TSC22D1: variants seen among roughly 807,000 people sequenced by gnomAD.
TSC22D1 encodes TSC22 domain family member 1, also known as TSC22 domain family protein 1.
TSC22D1 carries 9 observed loss-of-function variants against 74.2 expected under a neutral mutation model. The observed-to-expected ratio is 0.12, with a 90% CI of 0.07 to 0.21. The LOEUF (loss-of-function observed/expected upper bound fraction) is 0.21, where lower values mean the gene tolerates loss of function less well. Ranked by LOEUF, TSC22D1 falls within the 10% of genes least tolerant of loss-of-function variation. The pLI, the probability that TSC22D1 is intolerant of heterozygous loss-of-function variation, is 1.00. For missense variants in TSC22D1, 1,427 were observed against 1,304.7 expected (o/e 1.09, Z -1.44); for synonymous variants, 586 against 492.5 (o/e 1.19, Z -2.51).
intron 1 of TSC22D1, among the ~76,000 whole-genome samples, chr13:44,484,020 A>G (rs1878314437): frequency 6.6e-6 from 1 of 152,344 alleles, no homozygotes; most frequent in African/African-American, 2.4e-5. Flanking sequence ...AATTTTGCTT[A>G]AGCTGAACAC....
chr13:44,466,330 T>C (rs1177697015), intron 1 of TSC22D1, among the ~76,000 whole-genome samples: 1 of 152,224 alleles, frequency 6.6e-6, no homozygotes, highest in East Asian at 1.9e-4. Context: ...TTTTAAAACA[T>C]GGCCATCTTT....
intron 1 of TSC22D1, among the ~76,000 whole-genome samples, chr13:44,469,473 T>A (rs1002499665): frequency 1.3e-5 from 2 of 152,048 alleles, no homozygotes; most frequent in African/African-American, 4.8e-5. Context: ...TGGCAGAATA[T>A]GTAGGAGGAT....
intron 1 of TSC22D1, among the ~76,000 whole-genome samples, chr13:44,458,662 C>G (rs891427631): frequency 2.0e-5 from 3 of 152,184 alleles, no homozygotes; most frequent in Non-Finnish European, 2.9e-5. Context: ...CCACTTCCCC[C>G]ACAGGCTTGG....
intron 1 of TSC22D1, among the ~76,000 whole-genome samples, chr13:44,546,291 G>A (rs1881821119): frequency 6.6e-6 from 1 of 152,116 alleles, no homozygotes; most frequent in South Asian, 2.1e-4. Context: ...ATTACAAAGT[G>A]AAAAACAGTA....
chr13:44,444,313 AGAAAAGAAAAAG>A (rs1566114443), intron 1 of TSC22D1, among the ~76,000 whole-genome samples: 7 of 130,158 alleles, frequency 5.4e-5, no homozygotes, highest in African/African-American at 1.9e-4. Flanking sequence ...AAAAAAGAAA[AGAAAAGAAAAAG>A]AAAAAAAAAC....
intron 1 of TSC22D1, among the ~76,000 whole-genome samples, chr13:44,456,731 T>C (rs147310501): frequency 1.3e-5 from 2 of 152,200 alleles, no homozygotes; most frequent in African/African-American, 4.8e-5. Context: ...TTCAGAACAC[T>C]AGAAAGAGCT....
intron 1 of TSC22D1, among the ~76,000 whole-genome samples, chr13:44,572,175 T>C (rs1883814503): frequency 6.6e-6 from 1 of 152,212 alleles, no homozygotes; most frequent in Non-Finnish European, 1.5e-5. Flanking sequence ...AGTAACAGAC[T>C]GGAAAATTTG....
chr13:44,529,323 T>C (rs1203839080), intron 1 of TSC22D1, among the ~76,000 whole-genome samples: 2 of 151,976 alleles, frequency 1.3e-5, no homozygotes, highest in Non-Finnish European at 2.9e-5. Context: ...AGAAAAATCA[T>C]GTGATCCTAT....
At chr13:44,543,051 AT>A (rs1881577386) in intron 1 of TSC22D1, among the ~76,000 whole-genome samples, 1 of 152,202 alleles carries the variant, frequency 6.6e-6, no homozygotes, top group Non-Finnish European at 1.5e-5. Context: ...TTATAGATCT[AT>A]TAACCTACCA....
chr13:44,558,071 C>T (rs771373495), intron 1 of TSC22D1, among the ~76,000 whole-genome samples: 1 of 152,038 alleles, frequency 6.6e-6, no homozygotes, highest in Non-Finnish European at 1.5e-5. Context: ...AAATAGTGAC[C>T]GAAATAACCA....
chr13:44,538,630 A>C, intron 1 of TSC22D1: 1 of 985,416 alleles, frequency 1.0e-6, no homozygotes. Context: ...TAAAATTCCA[A>C]TCTGAAAAGA....
chr13:44,532,496 C>G (rs933872533), intron 1 of TSC22D1, among the ~76,000 whole-genome samples: 6 of 152,092 alleles, frequency 3.9e-5, no homozygotes, highest in African/African-American at 1.4e-4. Flanking sequence ...TTTTTTGAGA[C>G]GGAGTCTTGC....
intron 1 of TSC22D1, among the ~76,000 whole-genome samples, chr13:44,523,384 C>G (rs1880404873): frequency 6.6e-6 from 1 of 152,158 alleles, no homozygotes; most frequent in Admixed American, 6.5e-5. Context: ...CCAAAAACAT[C>G]AAGCAACCAA....
intron 1 of TSC22D1, among the ~76,000 whole-genome samples, chr13:44,454,422 A>C (rs548498379): frequency 6.6e-6 from 1 of 152,308 alleles, no homozygotes; most frequent in Non-Finnish European, 1.5e-5. Flanking sequence ...GGTAGAACAA[A>C]CACCCACAAA....
chr13:44,567,039 T>C (rs1372160578), intron 1 of TSC22D1, among the ~76,000 whole-genome samples: 2 of 152,152 alleles, frequency 1.3e-5, no homozygotes, highest in African/African-American at 4.8e-5. Context: ...AAAAGGAATA[T>C]TGTCTGAAGA....
intron 1 of TSC22D1, among the ~76,000 whole-genome samples, chr13:44,542,529 G>C (rs1205303383): frequency 6.6e-6 from 1 of 152,048 alleles, no homozygotes; most frequent in African/African-American, 2.4e-5. Context: ...TTAAATATGA[G>C]AGCTCACTGG....
intron 1 of TSC22D1, among the ~76,000 whole-genome samples, chr13:44,558,519 A>C (rs1882834776): frequency 6.6e-6 from 1 of 152,036 alleles, no homozygotes; most frequent in African/African-American, 2.4e-5. Context: ...GCGGATGGAC[A>C]GTCTGAGCTC....
intron 1 of TSC22D1, among the ~76,000 whole-genome samples, chr13:44,494,432 C>A (rs1011274758): frequency 7.6e-6 from 1 of 130,934 alleles, no homozygotes; most frequent in South Asian, 2.6e-4. Flanking sequence ...GTAGCACATA[C>A]CTGTGGTCCC....
upstream of TSC22D1, chr13:44,576,369 C>T (rs1280648602): frequency 1.2e-5 from 4 of 340,716 alleles, no homozygotes; most frequent in East Asian, 1.9e-4. Flanking sequence ...TTCTGCTTCA[C>T]GTGGGGTGCG....
Sources: gnomAD v4.1 joint callset for allele counts (sites outside exome capture counted in the v4.1 genomes callset) on GRCh38, gnomAD v4.1.1 for gene constraint, MANE v1.5 for transcripts, NCBI Gene and HGNC (gene_info 2026-07-23, HGNC 2026-07-21) for gene names.